Variants in HHAT observed in about 807,000 individuals in gnomAD.
The protein encoded by HHAT is hedgehog acyltransferase, also known as protein-cysteine N-palmitoyltransferase HHAT.
In HHAT, 47 loss-of-function variants were observed where a neutral mutation model predicts 70.8. The observed-to-expected ratio is 0.66, with a 90% CI of 0.53 to 0.85. HHAT has a LOEUF of 0.85. Ranked by LOEUF, HHAT falls within the 40% of genes least tolerant of loss-of-function variation. The pLI is 0.00. For missense variants in HHAT, 609 were observed against 604.8 expected (o/e 1.01, Z -0.07); for synonymous variants, 228 against 247.6 (o/e 0.92, Z 0.74).
At chr1:210,515,794 G>A (rs2095045819) in intron 9 of HHAT, among the ~76,000 whole-genome samples, 1 of 146,768 alleles carries the variant, frequency 6.8e-6, no homozygotes. Flanking sequence ...TCAGCCAGGT[G>A]CAGTGGCTCA....
intron 8 of HHAT, among the ~76,000 whole-genome samples, chr1:210,492,099 G>C (rs138331334): frequency 1.6e-3 from 245 of 152,104 alleles, no homozygotes; most frequent in Admixed American, 4.3e-3. Context: ...TCTCTGCCTA[G>C]AAAGTAATCA....
intron 9 of HHAT, among the ~76,000 whole-genome samples, chr1:210,535,264 T>C (rs768793194): frequency 6.6e-5 from 10 of 152,122 alleles, no homozygotes; most frequent in Admixed American, 5.9e-4. Flanking sequence ...ATTTGCCAAA[T>C]AGAAGACAGT....
At chr1:210,463,166 A>C (rs892661300) in intron 7 of HHAT, among the ~76,000 whole-genome samples, 2 of 136,346 alleles carry the variant, frequency 1.5e-5, no homozygotes, top group Non-Finnish European at 1.6e-5. Context: ...AAAGAGCTTT[A>C]TTGGAAGATA....
chr1:210,499,391 C>A (rs186782070), intron 8 of HHAT, among the ~76,000 whole-genome samples: 84 of 152,354 alleles, frequency 5.5e-4, no homozygotes, highest in African/African-American at 2.0e-3. Flanking sequence ...AATCCCAACA[C>A]TTTGGGAGGC....
At chr1:210,377,816 G>A (rs1229502427) in intron 3 of HHAT, among the ~76,000 whole-genome samples, 2 of 152,188 alleles carry the variant, frequency 1.3e-5, no homozygotes, top group African/African-American at 4.8e-5. Context: ...GGCTGGGAAT[G>A]GTACACAGTA....
intron 10 of HHAT, among the ~76,000 whole-genome samples, chr1:210,610,115 C>A (rs1666286368): frequency 6.6e-6 from 1 of 152,160 alleles, no homozygotes; most frequent in African/African-American, 2.4e-5. Flanking sequence ...GTTGAGTTAA[C>A]TTACACTCCC....
chr1:210,615,328 T>C (rs1667463545), intron 10 of HHAT, among the ~76,000 whole-genome samples: 1 of 152,224 alleles, frequency 6.6e-6, no homozygotes, highest in African/African-American at 2.4e-5. Context: ...TTATTCTAGT[T>C]AGCCATTCGT....
chr1:210,525,957 C>T (rs146230710), intron 9 of HHAT, among the ~76,000 whole-genome samples: 244 of 152,284 alleles, frequency 1.6e-3, no homozygotes, highest in African/African-American at 5.5e-3. Context: ...TTTCCTAATG[C>T]GTGCGCGATC....
intron 11 of HHAT, among the ~76,000 whole-genome samples, chr1:210,633,769 T>C (rs929717642): frequency 2.0e-5 from 3 of 152,178 alleles, no homozygotes; most frequent in Non-Finnish European, 4.4e-5. Context: ...GATACTCCAC[T>C]TGAGAGCCAC....
chr1:210,349,689 G>A (rs1250908352), intron 2 of HHAT, among the ~76,000 whole-genome samples: 2 of 137,222 alleles, frequency 1.5e-5, no homozygotes, highest in Non-Finnish European at 1.5e-5. Context: ...TTTCGCTCTT[G>A]TCGCCCAGGC....
At chr1:210,586,191 C>A (rs1041764567) in intron 9 of HHAT, among the ~76,000 whole-genome samples, 16 of 152,124 alleles carry the variant, frequency 1.1e-4, no homozygotes, top group Admixed American at 1.0e-3. Context: ...TACCTGTAAT[C>A]CTTGCACTTG....
chr1:210,493,864 T>C (rs1234040859), intron 8 of HHAT, among the ~76,000 whole-genome samples: 1 of 152,198 alleles, frequency 6.6e-6, no homozygotes, highest in African/African-American at 2.4e-5. Context: ...CCTCAAATGG[T>C]ATTCTTTCAC....
In HHAT at chr1:210,654,079, G is replaced by GGT. The variant is rs1675812425; in HGVS notation, c.1391-20208_1391-20207insTG. Among the ~76,000 whole-genome samples, 3 of 2,986 alleles carry GGT rather than the reference G, an allele frequency of 1.0e-3. No individual in the cohort carries two copies. The Non-Finnish European group carries it at 0.024, about 24-fold the overall frequency. The allele number at this position is 2,986 out of a possible 152,430, so 2.0% of individuals were successfully genotyped here. On this transcript the variant is annotated intron_variant, in intron 11 of 11. Coordinates refer to ENST00000261458, the MANE Select transcript of HHAT (RefSeq NM_018194.6). ...TAGTGTGACGGTGGAATAGTGTGACGGGAGTAGTGTGACAGGAATAGTGTG... is the reference window on the plus strand; with the variant it reads ...TAGTGTGACGGTGGAATAGTGTGACGGTGGAGTAGTGTGACAGGAATAGTGTG...
rs71146220 is a variant in HHAT at position 210,354,195 on chromosome 1, C to CTT, written c.91+5155_91+5156dup. ...ACAAATAGATAACTAAACATAATGT[C>CTT]TTTTTTTTTTTTTTTTTTTTTTTTT... is the stretch of plus-strand genomic sequence containing the variant. On this transcript the variant is annotated intron_variant, in intron 2 of 11. Transcript: ENST00000261458. Among the ~76,000 whole-genome samples, 138 of 102,584 alleles carry CTT rather than the reference C, an allele frequency of 1.3e-3. 4 individuals are homozygous for CTT. Among genetic ancestry groups the CTT allele is most frequent in the African/African-American group, 4.2e-3 (100 of 23,806 alleles). The allele number at this position is 102,584 out of a possible 152,430, so 67.3% of individuals were successfully genotyped here. A position where few individuals can be genotyped will look rare whatever the true frequency, so the allele number is the denominator to read the frequency against.
rs190356049 is a variant in HHAT, at chr1:210,603,886, A to G, written c.1245+15787A>G. ...TATCAATATACTTGTGATTACTGAC[A>G]TGTATTGAAACACAATTTAAGTTGG... On this transcript the variant is annotated intron_variant, in intron 10 of 11. Coordinates refer to ENST00000261458, the MANE Select transcript of HHAT (RefSeq NM_018194.6). Among the ~76,000 whole-genome samples, 904 of 152,324 alleles carry G rather than the reference A, an allele frequency of 5.9e-3. 32 individuals carry two copies. Among genetic ancestry groups the G allele is most frequent in the Admixed American group, 0.053 (812 of 15,294 alleles).
chr1:210,460,935 A>C (rs1451282216), intron 7 of HHAT, among the ~76,000 whole-genome samples: 1 of 152,218 alleles, frequency 6.6e-6, no homozygotes, highest in Non-Finnish European at 1.5e-5. Flanking sequence ...AATGAATGTC[A>C]AAAGAGTGTG....
intron 10 of HHAT, among the ~76,000 whole-genome samples, chr1:210,594,767 A>G (rs1662553077): frequency 1.3e-5 from 2 of 152,076 alleles, no homozygotes; most frequent in African/African-American, 4.8e-5. Context: ...TGTCTGGGCA[A>G]GTCTTTATTT....
At chr1:210,328,409 G>T (rs940169863), upstream of HHAT, 1 of 152,230 alleles carries the variant, frequency 6.6e-6, no homozygotes, top group Admixed American at 6.5e-5. Flanking sequence ...AATTCATAAA[G>T]TTTATTCTAT....
intron 11 of HHAT, among the ~76,000 whole-genome samples, chr1:210,652,090 AAG>A (rs1675283545): frequency 6.6e-6 from 1 of 152,232 alleles, no homozygotes; most frequent in Non-Finnish European, 1.5e-5. Flanking sequence ...TGACATTTCC[AAG>A]AGAGAAGTCT....
Sources: gnomAD v4.1 joint callset for allele counts (sites outside exome capture counted in the v4.1 genomes callset) on GRCh38, gnomAD v4.1.1 for gene constraint, MANE v1.5 for transcripts, NCBI Gene and HGNC (gene_info 2026-07-23, HGNC 2026-07-21) for gene names.